Variants in SCFD1 observed in about 807,000 individuals in gnomAD.
SCFD1 encodes the protein sec1 family domain containing 1.
In SCFD1, 37 loss-of-function variants were observed where a neutral mutation model predicts 103.2. The ratio of observed to expected loss-of-function variants is 0.36; its 90% CI spans 0.28 to 0.47. The LOEUF (loss-of-function observed/expected upper bound fraction) is 0.47, where lower values mean the gene tolerates loss of function less well. Among genes scored for constraint, SCFD1 ranks in the 20% least tolerant of loss-of-function variants. The probability of loss-of-function intolerance (pLI) is 1.00; values close to 1 mark genes in which losing one functional copy is unlikely to be tolerated. For missense variants in SCFD1, 639 were observed against 761.2 expected (o/e 0.84, Z 1.89); for synonymous variants, 264 against 245.0 (o/e 1.08, Z -0.73).
Position 30,735,820 on chromosome 14 carries a change from T to A in SCFD1, c.*211T>A. ...TAAAATTTCAACATTGTTCATTTTC[T>A]CTGATAAATCAGAAAGTACTAATAT... On this transcript the variant is annotated 3_prime_UTR_variant, in exon 25 of 25. Transcript: ENST00000458591. 1 of 441,690 alleles carries A rather than the reference T, an allele frequency of 2.3e-6. No homozygotes were observed. Among genetic ancestry groups the A allele is most frequent in the Non-Finnish European group, 4.0e-6 (1 of 247,432 alleles). The allele number at this position is 441,690 out of a possible 1,614,324, so 27.4% of individuals were successfully genotyped here.
intron 16 of SCFD1, among the ~76,000 whole-genome samples, chr14:30,700,668 C>T (rs537374773): frequency 6.6e-6 from 1 of 152,156 alleles, no homozygotes; most frequent in South Asian, 2.1e-4. Context: ...AGCAATACTC[C>T]ATCTCAAATA....
At chr14:30,630,754 C>T in intron 3 of SCFD1, 189 bp downstream of exon 3, 1 of 512,352 alleles carries the variant, frequency 2.0e-6, no homozygotes, top group East Asian at 3.5e-5. Flanking sequence ...TTTAAATTTT[C>T]TGCCTTGTGG....
intron 15 of SCFD1, among the ~76,000 whole-genome samples, chr14:30,696,403 A>T (rs192476803): frequency 2.0e-5 from 3 of 152,364 alleles, no homozygotes; most frequent in Admixed American, 6.5e-5. Context: ...TGAAACAAAA[A>T]AAACATGTTG....
At chr14:30,718,363 G>T (rs1002402658) in intron 20 of SCFD1, among the ~76,000 whole-genome samples, 14 of 152,214 alleles carry the variant, frequency 9.2e-5, no homozygotes, top group Admixed American at 7.2e-4. Flanking sequence ...TTTCCAAGCT[G>T]TGAAAGTTCA....
chr14:30,643,397 T>C lies in SCFD1; in HGVS notation c.605T>C (p.Val202Ala). The C allele has an allele frequency of 6.2e-7, 1 of 1,609,318 alleles. No homozygotes were observed. The highest frequency in any genetic ancestry group is 8.5e-7 in the Non-Finnish European group (1 of 1,175,718). Residue 202 changes from valine (V) to alanine (A), a missense_variant, in exon 7 of 25, where the codon GTT (valine) becomes GCT (alanine). Physicochemically the swap from Val to Ala is moderately conservative, Grantham distance 64. Transcript: ENST00000458591. Reference protein sequence around the residue: ...TIVDSLFCFFVTLGAVPIIRC... With the variant: ...TIVDSLFCFFATLGAVPIIRC... ...GTTGACAGCCTCTTCTGCTTTTTTGTTACTCTGGGTAAGTTTTCCAGTCTT... is the reference window on the plus strand; with the variant it reads ...GTTGACAGCCTCTTCTGCTTTTTTGCTACTCTGGGTAAGTTTTCCAGTCTT...
At chr14:30,715,210 C>T (rs1353350841) in intron 19 of SCFD1, 1 of 152,136 alleles carries the variant, frequency 6.6e-6, no homozygotes, top group East Asian at 1.9e-4. Flanking sequence ...TAATCTCATA[C>T]GTTTTCACGA....
intron 14 of SCFD1, among the ~76,000 whole-genome samples, chr14:30,677,400 G>A (rs1331807047): frequency 1.3e-5 from 2 of 152,038 alleles, no homozygotes; most frequent in African/African-American, 4.8e-5. Context: ...TAAACAAAGT[G>A]TGCTATTGAG....
intron 6 of SCFD1, 38 bp downstream of exon 6, chr14:30,639,902 A>G: frequency 6.4e-7 from 1 of 1,554,790 alleles, no homozygotes; most frequent in African/African-American, 1.4e-5. Flanking sequence ...CTTTGTTAAC[A>G]AAATGAATGG....
rs897997835 is a variant in SCFD1, at chr14:30,673,833, T to C, written c.1087-91T>C. The C allele has an allele frequency of 1.3e-5, 11 of 873,986 alleles. No individual in the cohort carries two copies. In the Admixed American group the frequency reaches 2.0e-4, roughly 16 times the overall value. The allele number at this position is 873,986 out of a possible 1,614,324, so 54.1% of individuals were successfully genotyped here. The stretch of plus-strand genomic sequence containing the variant: ...AAATCTTACGGTATATCAATAATCT[T>C]AGGATATTTGCTCCAATCTTAGGAT... On this transcript the variant is annotated intron_variant, in intron 12 of 24. Transcript: ENST00000458591.
chr14:30,661,843 AC>A lies in SCFD1; in HGVS notation c.855+8256del, dbSNP rs1377945907. 2.0e-5 allele frequency among the ~76,000 whole-genome samples: 3 copies of A among 152,206 alleles called. No individual in the cohort carries two copies. The East Asian group carries it at 5.8e-4, about 29-fold the overall frequency. On this transcript the variant is annotated intron_variant, in intron 10 of 24. Coordinates refer to ENST00000458591, the MANE Select transcript of SCFD1 (RefSeq NM_016106.4). The stretch of plus-strand genomic sequence containing the variant: ...ATGAGCTTTGAAAAATAAATTTTTC[AC>A]ATAATGCTTTAATTTTCCCTAAATC...
chr14:30,734,700 C>CA (rs968597946), intron 23 of SCFD1, 90 bp from the exon 24 acceptor site: 17 of 1,019,778 alleles, frequency 1.7e-5, no homozygotes, highest in South Asian at 5.2e-5. Context: ...TTAAGAATAA[C>CA]AAAAAAACTA....
intron 8 of SCFD1, 90 bp from the exon 9 acceptor site, chr14:30,650,475 C>T (rs1221166271): frequency 8.9e-5 from 67 of 751,946 alleles, no homozygotes; most frequent in Non-Finnish European, 2.3e-6. Flanking sequence ...TTCCAGGTTT[C>T]TTGGTTATGA....
upstream of SCFD1, chr14:30,622,281 C>T (rs1882895008): frequency 1.9e-6 from 3 of 1,588,522 alleles, no homozygotes; most frequent in East Asian, 2.3e-5. Flanking sequence ...GCGGTAAGGG[C>T]AGCCACGTCA....
intron 14 of SCFD1, among the ~76,000 whole-genome samples, chr14:30,676,974 C>CT (rs1382308922): frequency 6.6e-6 from 1 of 152,092 alleles, no homozygotes; most frequent in Non-Finnish European, 1.5e-5. Context: ...TAACAGAGGC[C>CT]ATCTGTCTGA....
At chr14:30,683,000 G>GATGGTCTTTTCCTTA (rs1339125840) in intron 14 of SCFD1, 2 of 988,526 alleles carry the variant, frequency 2.0e-6, no homozygotes, top group East Asian at 5.2e-5. Flanking sequence ...GACCATCTAA[G>GATGGTCTTTTCCTTA]GAAAAGTTAA....
At chr14:30,629,543 A>G (rs1454876971) in intron 2 of SCFD1, among the ~76,000 whole-genome samples, 1 of 151,296 alleles carries the variant, frequency 6.6e-6, no homozygotes, top group Admixed American at 6.6e-5. Flanking sequence ...TGTATTTGAT[A>G]GACTAAGTCT....
Position 30,719,317 on chromosome 14 carries a change from T to C in SCFD1, c.1684-8T>C, listed in dbSNP as rs1892492981. 2.5e-6 allele frequency: 4 copies of C among 1,582,732 alleles called. No homozygotes were observed. Among genetic ancestry groups the C allele is most frequent in the Non-Finnish European group, 3.4e-6 (4 of 1,160,688 alleles). On this transcript the variant is annotated splice_region_variant and splice_polypyrimidine_tract_variant and intron_variant, in intron 20 of 24. Transcript: ENST00000458591. Reference sequence around the variant, plus strand: ...ACAGTCATGGTAAAGTTCTATTTTTTTTAATAGGAAACTGATGACTATAGA... The same window carrying C: ...ACAGTCATGGTAAAGTTCTATTTTTCTTAATAGGAAACTGATGACTATAGA...
intron 10 of SCFD1, among the ~76,000 whole-genome samples, chr14:30,666,983 G>A (rs933881743): frequency 2.0e-5 from 3 of 152,142 alleles, no homozygotes; most frequent in Non-Finnish European, 2.9e-5. Context: ...GATACAAAGA[G>A]AAGCTGGTAC....
intron 9 of SCFD1, among the ~76,000 whole-genome samples, chr14:30,651,769 G>A (rs1256919286): frequency 6.6e-6 from 1 of 152,018 alleles, no homozygotes; most frequent in Non-Finnish European, 1.5e-5. Flanking sequence ...ATTTTCCTTA[G>A]TGGTCACAAC....
Sources: allele counts gnomAD v4.1 joint callset (sites outside exome capture counted in the v4.1 genomes callset), GRCh38; gene constraint gnomAD v4.1.1; transcripts MANE v1.5; gene names NCBI Gene and HGNC (gene_info 2026-07-23, HGNC 2026-07-21).